Variants in GABPB2 observed in about 807,000 individuals in gnomAD.
GABPB2 encodes the protein GA-binding protein subunit beta-2.
Under a neutral mutation model 39.1 loss-of-function variants are expected in GABPB2, and 23 were observed. The ratio of observed to expected loss-of-function variants is 0.59; its 90% CI spans 0.42 to 0.83. The LOEUF is 0.83. GABPB2 is among the 40% of genes least tolerant of loss of function. The pLI is 0.00. For missense variants in GABPB2, 467 were observed against 541.1 expected, an observed-to-expected ratio of 0.86 and a Z score of 1.36; for synonymous variants, 184 against 199.3, an observed-to-expected ratio of 0.92 and a Z score of 0.65.
At chr1:151,098,255 T>G (rs1679253496) in intron 5 of GABPB2, among the ~76,000 whole-genome samples, 1 of 152,164 alleles carries the variant, frequency 6.6e-6, no homozygotes, top group Admixed American at 6.6e-5. Context: ...GGCTCATATC[T>G]GTAATCCCAA....
intron 5 of GABPB2, among the ~76,000 whole-genome samples, chr1:151,099,802 T>G (rs933034858): frequency 2.0e-5 from 3 of 152,344 alleles, no homozygotes; most frequent in Admixed American, 6.5e-5. Flanking sequence ...TTCATACTTT[T>G]CTATGCCTTG....
intron 1 of GABPB2, among the ~76,000 whole-genome samples, chr1:151,071,383 C>T (rs1479320317): frequency 6.6e-6 from 1 of 151,424 alleles, no homozygotes; most frequent in African/African-American, 2.4e-5. Context: ...CAAATAATGA[C>T]CTGAAAGATT....
In GABPB2 at chr1:151,088,203, A is replaced by T; in HGVS notation, c.14A>T (p.Asp5Val). ...CTATGCATAAAGATGTCTTTGGTGG[A>T]CTTGGGAAAGAGGTTGCTAGAAGCA... MSLV[D>V]LGKRLLEAAR... is the part of the protein sequence containing the mutation. The change falls in exon 2 of 9, where the codon GAC (aspartate) becomes GTC (valine). Residue 5 changes from aspartate (D) to valine (V), a missense_variant. Asp to Val is a radical substitution (Grantham distance 152). Transcript: ENST00000368918. 2 of 1,613,984 alleles carry T rather than the reference A, an allele frequency of 1.2e-6. No individual in the cohort carries two copies. Among genetic ancestry groups the T allele is most frequent in the Non-Finnish European group, 1.7e-6 (2 of 1,179,896 alleles).
chr1:151,089,944 T>TA (rs1678527008), intron 2 of GABPB2, among the ~76,000 whole-genome samples: 1 of 151,814 alleles, frequency 6.6e-6, no homozygotes, highest in Non-Finnish European at 1.5e-5. Flanking sequence ...ATGTTAATTT[T>TA]TTTTTTTTTT....
chr1:151,113,884 C>A (rs1295319976), intron 7 of GABPB2, among the ~76,000 whole-genome samples: 1 of 152,162 alleles, frequency 6.6e-6, no homozygotes, highest in African/African-American at 2.4e-5. Context: ...TTGAGATTGG[C>A]TTTTTTCCTT....
At chr1:151,073,048 G>C (rs2864699) in intron 1 of GABPB2, 141,545 of 152,322 alleles carry the variant, frequency 0.93, 65,808 homozygotes, top group East Asian at 0.97. Flanking sequence ...GAGACAGCGT[G>C]TTGCTCAGTC....
At chr1:151,117,860 AG>A in intron 8 of GABPB2, 96 bp from the exon 9 acceptor site, 1 of 1,169,636 alleles carries the variant, frequency 8.5e-7, no homozygotes, top group South Asian at 1.5e-5. Context: ...CTTGGATTAT[AG>A]GTGTGAGGCA....
intron 8 of GABPB2, 139 bp downstream of exon 8, chr1:151,117,655 C>T (rs1680979289): frequency 1.1e-6 from 1 of 909,484 alleles, no homozygotes; most frequent in African/African-American, 1.7e-5. Flanking sequence ...ATGATCTCAG[C>T]TCACTGCAAC....
Position 151,117,494 on chromosome 1 carries a change from C to CT in GABPB2, c.1025_1026insT (p.Asn343LysfsTer11). Reference sequence around the variant, plus strand: ...AAGAAACCAAGGATAGGAGAGAAGACAAACAGTGTGGAGGAAAGCAAGGTA... The same window carrying CT: ...AAGAAACCAAGGATAGGAGAGAAGACTAAACAGTGTGGAGGAAAGCAAGGTA... On this transcript the variant is annotated frameshift_variant, in exon 8 of 9. Transcript: ENST00000368918. LOFTEE classifies it high-confidence loss of function. The CT allele has an allele frequency of 1.2e-6, 2 of 1,613,870 alleles. No homozygotes were observed. Among genetic ancestry groups the CT allele is most frequent in the South Asian group, 2.2e-5 (2 of 91,076 alleles).
At chr1:151,077,567 G>A (rs1677284094) in intron 1 of GABPB2, among the ~76,000 whole-genome samples, 1 of 151,572 alleles carries the variant, frequency 6.6e-6, no homozygotes, top group African/African-American at 2.4e-5. Context: ...ATGTTGGCCA[G>A]AATGGTCTTG....
At chr1:151,076,239 A>C (rs1258479924) in intron 1 of GABPB2, among the ~76,000 whole-genome samples, 1 of 152,178 alleles carries the variant, frequency 6.6e-6, no homozygotes, top group African/African-American at 2.4e-5. Context: ...GTTGGAACCA[A>C]GCTGATTTGG....
At chr1:151,100,143 CTTTTT>C (rs587754459) in intron 5 of GABPB2, among the ~76,000 whole-genome samples, 1 of 138,842 alleles carries the variant, frequency 7.2e-6, no homozygotes. Flanking sequence ...ATTAAAACAA[CTTTTT>C]TTTTTTTTTT....
chr1:151,109,760 C>T lies in GABPB2; in HGVS notation c.922+2538C>T, dbSNP rs7539897. Reference sequence around the variant, plus strand: ...GCATGATTATGGCGCACTGCAGCCTCGACTTCCCAAGCAACCTTCTCACCT... The same window carrying T: ...GCATGATTATGGCGCACTGCAGCCTTGACTTCCCAAGCAACCTTCTCACCT... On this transcript the variant is annotated intron_variant, in intron 7 of 8. Transcript: ENST00000368918. 1.1e-4 allele frequency among the ~76,000 whole-genome samples: 16 copies of T among 151,980 alleles called. No individual in the cohort carries two copies. In the East Asian group the frequency reaches 2.3e-3, roughly 22 times the overall value.
rs1678572247 is a variant in GABPB2, at chr1:151,090,443, G to A, written c.146G>A (p.Gly49Asp). The A allele has an allele frequency of 6.2e-7, 1 of 1,613,880 alleles. No individual in the cohort carries two copies. The highest frequency in any genetic ancestry group is 1.3e-5 in the African/African-American group (1 of 74,888). Reference sequence around the variant, plus strand: ...CCCCTCCACCTTGCAGCTCAATATGGTCATTATTCCACAGCAGAAGTACTC... The same window carrying A: ...CCCCTCCACCTTGCAGCTCAATATGATCATTATTCCACAGCAGAAGTACTC... The part of the protein sequence containing the change: ...TSPLHLAAQY[G>D]HYSTAEVLLR... The change falls in exon 3 of 9, where the codon GGT (glycine) becomes GAT (aspartate). Residue 49 changes from glycine to aspartate, a missense_variant. By Grantham distance (94) the Gly-to-Asp change is moderately conservative (BLOSUM62 -1). Coordinates refer to ENST00000368918, the MANE Select transcript of GABPB2 (RefSeq NM_144618.3).
chr1:151,093,447 G>A, intron 4 of GABPB2, 61 bp downstream of exon 4: 2 of 1,354,028 alleles, frequency 1.5e-6, no homozygotes, highest in East Asian at 2.4e-5. Context: ...TTTTTTTGTA[G>A]GAGCTGAATC....
intron 7 of GABPB2, among the ~76,000 whole-genome samples, chr1:151,113,873 T>G (rs1274647110): frequency 6.6e-6 from 1 of 152,214 alleles, no homozygotes; most frequent in Non-Finnish European, 1.5e-5. Context: ...TATACATGAT[T>G]TTGAGATTGG....
intron 3 of GABPB2, among the ~76,000 whole-genome samples, chr1:151,091,014 A>G (rs1678639838): frequency 6.8e-6 from 1 of 146,520 alleles, no homozygotes; most frequent in East Asian, 1.9e-4. Flanking sequence ...AAACAAAACA[A>G]AACAAAAAAA....
At chr1:151,079,424 C>T (rs1312089488) in intron 1 of GABPB2, among the ~76,000 whole-genome samples, 1 of 152,030 alleles carries the variant, frequency 6.6e-6, no homozygotes, top group Non-Finnish European at 1.5e-5. Context: ...TGCCTGTAAT[C>T]CCAGCTACTC....
rs1681328214 is a variant in GABPB2, at chr1:151,125,190, C to T, written c.*6934C>T. The T allele has an allele frequency of 6.6e-6, 1 of 152,162 alleles. No homozygotes were observed. The allele number at this position is 152,162 out of a possible 1,614,324, so 9.4% of individuals were successfully genotyped here. On this transcript the variant is annotated 3_prime_UTR_variant, in exon 9 of 9. Coordinates refer to ENST00000368918, the MANE Select transcript of GABPB2 (RefSeq NM_144618.3). ...TCTAGTTGGCTTTAGACATCTTGTT[C>T]TAGCAACAATGATGGTAGCAGCTCT...
Sources: allele counts gnomAD v4.1 joint callset (sites outside exome capture counted in the v4.1 genomes callset), GRCh38; gene constraint gnomAD v4.1.1; transcripts MANE v1.5; gene names NCBI Gene and HGNC (gene_info 2026-07-23, HGNC 2026-07-21).